FLRT1: variants seen among roughly 807,000 people sequenced by gnomAD.
FLRT1 encodes the protein fibronectin leucine rich transmembrane protein 1.
A neutral mutation model predicts 30.9 loss-of-function variants in FLRT1; 14 were observed. That is an observed-to-expected ratio of 0.45 (90% CI 0.30 to 0.71). The LOEUF (loss-of-function observed/expected upper bound fraction) is 0.71, where lower values mean the gene tolerates loss of function less well. Among genes scored for constraint, FLRT1 ranks in the 30% least tolerant of loss-of-function variants. The pLI is 0.08. For synonymous variants in FLRT1, 368 were observed against 430.4 expected (o/e 0.85, Z 1.80); for missense variants, 737 against 949.2 (o/e 0.78, Z 2.94).
chr11:64,099,204 A>G (rs920375786), intron 1 of FLRT1, among the ~76,000 whole-genome samples: 18 of 152,176 alleles, frequency 1.2e-4, no homozygotes, highest in Admixed American at 1.1e-3. Flanking sequence ...CATCTTCTCC[A>G]AGAAGCCTCC....
Position 64,117,874 on chromosome 11 carries a change from C to T in FLRT1, c.1607C>T (p.Thr536Ile). ...GAGACAGCCGACAGCTATGGCCCTA[C>T]CACCACACTCAACCAGGAGCAGAAC... is the stretch of plus-strand genomic sequence containing the variant. ...KAETADSYGP[T>I]TTLNQEQNAG... Residue 536 changes from threonine (T) to isoleucine (I), a missense_variant, in exon 3 of 3, where the codon ACC becomes ATC. Physicochemically the swap from Thr to Ile is moderately conservative, Grantham distance 89 (BLOSUM62 -1). Transcript: ENST00000682287. 1.2e-6 allele frequency: 2 copies of T among 1,614,088 alleles called. No individual in the cohort carries two copies. Among genetic ancestry groups the T allele is most frequent in the Non-Finnish European group, 1.7e-6 (2 of 1,179,992 alleles).
At chr11:64,045,775 G>A (rs1391192094) in intron 1 of FLRT1, among the ~76,000 whole-genome samples, 1 of 152,180 alleles carries the variant, frequency 6.6e-6, no homozygotes, top group Non-Finnish European at 1.5e-5. Flanking sequence ...GGATGAGAAG[G>A]AATTCAGAAC....
At chr11:64,097,767 C>T (rs945290270) in intron 1 of FLRT1, among the ~76,000 whole-genome samples, 1 of 152,180 alleles carries the variant, frequency 6.6e-6, no homozygotes, top group Non-Finnish European at 1.5e-5. Flanking sequence ...TGGGGTGGGC[C>T]CATCTCACAG....
chr11:64,054,590 A>G (rs956469305), intron 1 of FLRT1, among the ~76,000 whole-genome samples: 4 of 152,140 alleles, frequency 2.6e-5, no homozygotes, highest in Non-Finnish European at 5.9e-5. Flanking sequence ...TCCATCTACC[A>G]GGGCAAGCCA....
At chr11:64,099,131 T>C (rs1442821817) in intron 1 of FLRT1, among the ~76,000 whole-genome samples, 2 of 152,174 alleles carry the variant, frequency 1.3e-5, no homozygotes, top group African/African-American at 4.8e-5. Context: ...TCCCTCTGGA[T>C]TGCCACTGAG....
At chr11:64,100,316 T>C (rs948664252) in intron 1 of FLRT1, among the ~76,000 whole-genome samples, 10 of 152,242 alleles carry the variant, frequency 6.6e-5, no homozygotes, top group African/African-American at 2.4e-4. Context: ...AAATTTCTTT[T>C]AATACAGTTG....
At chr11:64,072,084 C>T (rs1278879123) in intron 1 of FLRT1, among the ~76,000 whole-genome samples, 1 of 152,234 alleles carries the variant, frequency 6.6e-6, no homozygotes, top group East Asian at 1.9e-4. Flanking sequence ...GAGCCCGAAT[C>T]GAATCGACTG....
chr11:64,116,251 G>GCC lies in FLRT1; in HGVS notation c.-13_-12dup. ...GGCTCCAGGCCAGGTGGGGCCGGAC[G>GCC]CCCCCAGCCATCCACCATGGTGGTG... On this transcript the variant is annotated 5_prime_UTR_variant, in exon 3 of 3. Transcript: ENST00000682287. 2 of 1,585,520 alleles carry GCC rather than the reference G, an allele frequency of 1.3e-6. No individual in the cohort carries two copies. Among genetic ancestry groups the GCC allele is most frequent in the East Asian group, 4.5e-5 (2 of 44,642 alleles).
At position 64,063,729 on chromosome 11, in the gene FLRT1, C is replaced by A. The variant is rs149164180; in HGVS notation, c.-1038+27570C>A. Among the ~76,000 whole-genome samples, 96 of 152,328 alleles carry A rather than the reference C, an allele frequency of 6.3e-4. 1 individual carries two copies. The highest frequency in any genetic ancestry group is 3.4e-3 in the Middle Eastern group (1 of 294). On this transcript the variant is annotated intron_variant, in intron 1 of 2. Coordinates refer to ENST00000682287, the MANE Select transcript of FLRT1 (RefSeq NM_013280.5). ...AGCGGGTGCTGAAACCTACTCCCCC[C>A]TCCATGGGCAGCCACGCGGTCCTCG...
rs1202192866 is a variant in FLRT1 at position 64,116,308 on chromosome 11, C to T, written c.41C>T (p.Pro14Leu). Reference sequence around the variant, plus strand: ...CCCACCGCCACTGCCACCACCACGCCCACTGCCACTGTCACGGCCACCGTT... The same window carrying T: ...CCCACCGCCACTGCCACCACCACGCTCACTGCCACTGTCACGGCCACCGTT... ...AHPTATATTT[P>L]TATVTATVVM... The change falls in exon 3 of 3, where the codon CCC (proline) becomes CTC (leucine). Residue 14 changes from proline to leucine, a missense_variant. Pro to Leu is a moderately conservative substitution (Grantham distance 98). Transcript: ENST00000682287. 1 of 1,607,550 alleles carries T rather than the reference C, an allele frequency of 6.2e-7. No individual in the cohort carries two copies. Among genetic ancestry groups the T allele is most frequent in the Non-Finnish European group, 8.5e-7 (1 of 1,178,428 alleles).
chr11:64,068,623 A>G (rs1017191149), intron 1 of FLRT1, among the ~76,000 whole-genome samples: 1 of 152,242 alleles, frequency 6.6e-6, no homozygotes, highest in Middle Eastern at 3.2e-3. Flanking sequence ...CAGAATAGAT[A>G]GGGTTCCATG....
At chr11:64,083,378 A>T (rs1361612813) in intron 1 of FLRT1, among the ~76,000 whole-genome samples, 1 of 152,184 alleles carries the variant, frequency 6.6e-6, no homozygotes, top group Non-Finnish European at 1.5e-5. Flanking sequence ...GGAGATTGCC[A>T]TGAGCTGAGA....
intron 1 of FLRT1, among the ~76,000 whole-genome samples, chr11:64,058,365 G>A (rs1007935482): frequency 2.6e-5 from 4 of 152,372 alleles, no homozygotes; most frequent in African/African-American, 9.6e-5. Context: ...GCCCAGGCAG[G>A]GCTTAGTCTG....
At chr11:64,069,852 T>A (rs1944074815) in intron 1 of FLRT1, among the ~76,000 whole-genome samples, 2 of 152,114 alleles carry the variant, frequency 1.3e-5, no homozygotes, top group African/African-American at 4.8e-5. Context: ...AGCAAATGGT[T>A]CAGAGAGAAA....
intron 1 of FLRT1, among the ~76,000 whole-genome samples, chr11:64,062,116 C>T (rs1029984507): frequency 6.6e-6 from 1 of 151,964 alleles, no homozygotes; most frequent in Non-Finnish European, 1.5e-5. Flanking sequence ...TGCTGAAATG[C>T]CCCTCTCCTC....
Position 64,036,143 on chromosome 11 carries a change from C to A in FLRT1, c.-1054C>A, listed in dbSNP as rs991726499. 5 of 152,124 alleles carry A rather than the reference C, an allele frequency of 3.3e-5. No homozygotes were observed. Among genetic ancestry groups the A allele is most frequent in the Non-Finnish European group, 7.3e-5 (5 of 68,040 alleles). 9.4% of individuals were successfully genotyped at this position (152,124 alleles called of 1,614,324 possible). A position where few individuals can be genotyped will look rare whatever the true frequency, so the allele number is the denominator to read the frequency against. ...CAAAGTTTCCCGAGGAGACCCGCCT[C>A]CCCGGCCGCTGCGCAGGTAGGGCTG... On this transcript the variant is annotated 5_prime_UTR_variant, in exon 1 of 3. Coordinates refer to ENST00000682287, the MANE Select transcript of FLRT1 (RefSeq NM_013280.5). This position sits in a 1 kb window ranked among gnomAD's most constrained non-coding sequence, Gnocchi z 5.6.
At chr11:64,072,223 A>G (rs1944122476) in intron 1 of FLRT1, among the ~76,000 whole-genome samples, 1 of 151,830 alleles carries the variant, frequency 6.6e-6, no homozygotes, top group Non-Finnish European at 1.5e-5. Flanking sequence ...CTGCTGTGGG[A>G]TGGAGGGGCT....
intron 1 of FLRT1, among the ~76,000 whole-genome samples, chr11:64,079,126 G>A (rs556339713): frequency 1.2e-4 from 18 of 152,250 alleles, no homozygotes; most frequent in African/African-American, 3.9e-4. Flanking sequence ...GGCGGTGGAC[G>A]GGAGGGAGGG....
chr11:64,083,160 G>A (rs1264922976), intron 1 of FLRT1: 11 of 152,420 alleles, frequency 7.2e-5, no homozygotes, highest in African/African-American at 2.4e-4. Context: ...ATGGAGCCGG[G>A]TGCAGTGGCT....
Sources: gnomAD v4.1 joint callset for allele counts (sites outside exome capture counted in the v4.1 genomes callset) on GRCh38, gnomAD v4.1.1 for gene constraint, Gnocchi (gnomAD v3.1) non-coding constraint, MANE v1.5 for transcripts, NCBI Gene and HGNC (gene_info 2026-07-23, HGNC 2026-07-21) for gene names.